Variants in SCLY observed in about 807,000 individuals in gnomAD.
SCLY encodes the protein putative selenocysteine lyase.
Under a neutral mutation model 50.1 loss-of-function variants are expected in SCLY, and 38 were observed. The ratio of observed to expected loss-of-function variants is 0.76; its 90% CI spans 0.59 to 0.99. The LOEUF is 0.99. Among genes scored for constraint, SCLY ranks in the 50% least tolerant of loss-of-function variants. The pLI is 0.00. For missense variants in SCLY, 600 were observed against 620.0 expected (o/e 0.97, Z 0.34); for synonymous variants, 243 against 249.4 (o/e 0.97, Z 0.24).
At position 238,098,685 on chromosome 2, in the gene SCLY, G is replaced by A. The variant is rs74001558; in HGVS notation, c.*330G>A. ...TAGAACCGTCCTCCAGTGGTGAAGC[G>A]GAAACACTTAGCTTTATCCACCCTC... On this transcript the variant is annotated 3_prime_UTR_variant, in exon 12 of 12. Coordinates refer to ENST00000254663, the MANE Select transcript of SCLY (RefSeq NM_016510.7). 5.6e-3 allele frequency: 681 copies of A among 121,044 alleles called. 8 individuals carry two copies. Among genetic ancestry groups the A allele is most frequent in the African/African-American group, 0.051 (606 of 11,918 alleles). 7.5% of individuals were successfully genotyped at this position (121,044 alleles called of 1,614,324 possible).
chr2:238,080,501 TG>T (rs2065224968), intron 4 of SCLY: 1 of 152,324 alleles, frequency 6.6e-6, no homozygotes, highest in Non-Finnish European at 1.5e-5. Context: ...AGGCCCACGG[TG>T]GGCTCTGCAT....
At position 238,083,149 on chromosome 2, in the gene SCLY, G is replaced by T; in HGVS notation, c.778-99G>T. ...CAAGGAAGCAGCAGGACTATGCATT[G>T]CAGAGCATTTCTCCTGTGTGCCCCT... On this transcript the variant is annotated intron_variant, in intron 6 of 11. Coordinates refer to ENST00000254663, the MANE Select transcript of SCLY (RefSeq NM_016510.7). The surrounding 1 kb of genome is among the most constrained non-coding windows in gnomAD (Gnocchi z 4.3). The T allele has an allele frequency of 1.2e-6, 1 of 862,608 alleles. No homozygotes were observed. Among genetic ancestry groups the T allele is most frequent in the Non-Finnish European group, 2.0e-6 (1 of 499,208 alleles). The allele number at this position is 862,608 out of a possible 1,614,324, so 53.4% of individuals were successfully genotyped here. A position where few individuals can be genotyped will look rare whatever the true frequency, so the allele number is the denominator to read the frequency against.
chr2:238,094,660 T>C, intron 10 of SCLY, 138 bp downstream of exon 10: 2 of 729,448 alleles, frequency 2.7e-6, no homozygotes, highest in Non-Finnish European at 4.6e-6. Context: ...CTTGCTGGGG[T>C]TGCCAAGAGC....
intron 7 of SCLY, among the ~76,000 whole-genome samples, chr2:238,087,580 G>A (rs1481495520): frequency 1.3e-5 from 2 of 152,170 alleles, no homozygotes; most frequent in Non-Finnish European, 2.9e-5. Context: ...AGAATTCTTT[G>A]TTTAAAGAAG....
chr2:238,093,737 GT>G (rs1011489128), intron 8 of SCLY, 123 bp from the exon 9 acceptor site: 7 of 897,084 alleles, frequency 7.8e-6, no homozygotes, highest in Non-Finnish European at 1.2e-5. Context: ...AAAAAATATG[GT>G]CTGTCTGTGA....
intron 4 of SCLY, among the ~76,000 whole-genome samples, chr2:238,074,851 C>A (rs550630400): frequency 6.6e-6 from 1 of 152,180 alleles, no homozygotes; most frequent in Non-Finnish European, 1.5e-5. Context: ...GTCATATCAT[C>A]TACAGCTAGA....
intron 11 of SCLY, among the ~76,000 whole-genome samples, chr2:238,097,282 A>C (rs1249556341): frequency 6.6e-6 from 1 of 152,192 alleles, no homozygotes; most frequent in East Asian, 1.9e-4. Context: ...CAGATCAGCC[A>C]TCTGCAAGAT....
intron 4 of SCLY, chr2:238,079,646 T>TA (rs2065214601): frequency 6.6e-6 from 1 of 152,216 alleles, no homozygotes; most frequent in South Asian, 2.1e-4. Flanking sequence ...AATATACAGT[T>TA]ACACTGCCCT....
At chr2:238,091,150 C>A in intron 7 of SCLY, 68 bp from the exon 8 acceptor site, 1 of 1,365,774 alleles carries the variant, frequency 7.3e-7, no homozygotes, top group African/African-American at 1.4e-5. Context: ...AACACAATGA[C>A]TTTCATGGAG....
At chr2:238,074,305 CAA>C (rs771011593) in intron 4 of SCLY, among the ~76,000 whole-genome samples, 2 of 125,652 alleles carry the variant, frequency 1.6e-5, no homozygotes, top group Non-Finnish European at 1.7e-5. Context: ...GACTCCATCT[CAA>C]AAAAAAAAAA....
At chr2:238,086,577 G>A (rs539140000) in intron 7 of SCLY, among the ~76,000 whole-genome samples, 28 of 151,728 alleles carry the variant, frequency 1.8e-4, no homozygotes, top group African/African-American at 4.4e-4. Context: ...ATGGCAGTGC[G>A]TGCCTGTAGT....
chr2:238,089,827 G>A (rs965952103), intron 7 of SCLY, among the ~76,000 whole-genome samples: 1 of 151,940 alleles, frequency 6.6e-6, no homozygotes, highest in Non-Finnish European at 1.5e-5. Flanking sequence ...CAATAAAACC[G>A]TTTAAAAATA....
At chr2:238,079,568 A>T (rs1328225510) in intron 4 of SCLY, 1 of 152,168 alleles carries the variant, frequency 6.6e-6, no homozygotes, top group Non-Finnish European at 1.5e-5. Context: ...ATTGTGTGTT[A>T]TAGCCCTAAC....
In SCLY at chr2:238,064,458, C is replaced by G; in HGVS notation, c.191C>G (p.Pro64Arg). The G allele has an allele frequency of 1.9e-6, 3 of 1,604,762 alleles. No homozygotes were observed. Among genetic ancestry groups the G allele is most frequent in the African/African-American group, 1.3e-5 (1 of 74,318 alleles). Residue 64 changes from proline (P) to arginine (R), a missense_variant, in exon 2 of 12, where the codon CCG (proline) becomes CGG (arginine). Coordinates refer to ENST00000254663, the MANE Select transcript of SCLY (RefSeq NM_016510.7). ...GAAGCCTGGGGAAATCCCAGCAGCC[C>G]GTATTCAGCAGGTAATTCTAGAAGA... ...MWEAWGNPSS[P>R]YSAGRKAKDI...
chr2:238,068,449 T>C (rs2065096826), intron 3 of SCLY, among the ~76,000 whole-genome samples: 1 of 151,838 alleles, frequency 6.6e-6, no homozygotes, highest in Non-Finnish European at 1.5e-5. Context: ...CTAGGGAAGC[T>C]GAGGTGGCAG....
Position 238,069,177 on chromosome 2 carries a change from T to C in SCLY, c.304-120T>C. Reference sequence around the variant, plus strand: ...TTTCAAAAGGTCCCACTCAGGAAGTTGAATTTCTTTGAAGCTTTTTTGATG... The same window carrying C: ...TTTCAAAAGGTCCCACTCAGGAAGTCGAATTTCTTTGAAGCTTTTTTGATG... On this transcript the variant is annotated intron_variant, in intron 3 of 11. Transcript: ENST00000254663. The surrounding 1 kb of genome is among the most constrained non-coding windows in gnomAD (Gnocchi z 5.0). 1.1e-6 allele frequency: 1 copy of C among 910,424 alleles called. No homozygotes were observed. 56.4% of individuals were successfully genotyped at this position (910,424 alleles called of 1,614,324 possible). A position where few individuals can be genotyped will look rare whatever the true frequency, so the allele number is the denominator to read the frequency against.
chr2:238,094,476 G>C lies in SCLY; in HGVS notation c.1062G>C (p.Arg354=). Residue 354 remains arginine, a synonymous_variant, in exon 10 of 12, where the codon CGG becomes CGC. Coordinates refer to ENST00000254663, the MANE Select transcript of SCLY (RefSeq NM_016510.7). ...ATAGCCAGTTTCCAGGCACCCAGCG[G>C]CTTCCCAATACCTGTAACTTTTCCA... The part of the protein sequence containing the change: ...HLNSQFPGTQ[R]LPNTCNFSIR... 1 of 1,614,206 alleles carries C rather than the reference G, an allele frequency of 6.2e-7. No homozygotes were observed. Among genetic ancestry groups the C allele is most frequent in the Non-Finnish European group, 8.5e-7 (1 of 1,180,026 alleles).
chr2:238,098,526 T>G lies in SCLY; in HGVS notation c.*171T>G. The G allele has an allele frequency of 1.4e-6, 1 of 690,812 alleles. No homozygotes were observed. Among genetic ancestry groups the G allele is most frequent in the Non-Finnish European group, 2.2e-6 (1 of 457,682 alleles). The allele number at this position is 690,812 out of a possible 1,614,324, so 42.8% of individuals were successfully genotyped here. ...CCCCCAGTTTCCTTCCCTGGACCCC[T>G]GCAGAGCTCACAGGGCCCAGGACAC... is the stretch of plus-strand genomic sequence containing the variant. On this transcript the variant is annotated 3_prime_UTR_variant, in exon 12 of 12. Transcript: ENST00000254663.
intron 7 of SCLY, among the ~76,000 whole-genome samples, chr2:238,084,611 A>AAAAAG (rs2065271649): frequency 8.7e-6 from 1 of 114,442 alleles, no homozygotes; most frequent in African/African-American, 3.3e-5. Context: ...AAAAAAAAAA[A>AAAAAG]AAGCCCAGCA....
Sources: allele counts gnomAD v4.1 joint callset (sites outside exome capture counted in the v4.1 genomes callset), GRCh38; gene constraint gnomAD v4.1.1; non-coding constraint Gnocchi (gnomAD v3.1); transcripts MANE v1.5; gene names NCBI Gene and HGNC (gene_info 2026-07-23, HGNC 2026-07-21).